The following MTM1 variants were observed in gnomAD, a reference collection of about 807,000 sequenced individuals.
The protein encoded by MTM1 is myotubularin.
In MTM1, 9 loss-of-function variants were observed where a neutral mutation model predicts 52.1. The ratio of observed to expected loss-of-function variants is 0.17; its 90% CI spans 0.10 to 0.30. MTM1 has a LOEUF of 0.30. Among genes scored for constraint, MTM1 ranks in the 10% least tolerant of loss-of-function variants. The pLI, the probability that MTM1 is intolerant of heterozygous loss-of-function variation, is 1.00. For missense variants in MTM1, 277 were observed against 470.7 expected, an observed-to-expected ratio of 0.59 and a Z score of 3.81; for synonymous variants, 136 against 163.8, an observed-to-expected ratio of 0.83 and a Z score of 1.29.
At chrX:150,646,290 C>T (rs2039930880) in intron 9 of MTM1, among the ~76,000 whole-genome samples, 1 of 112,735 alleles carries the variant, frequency 8.9e-6, no homozygotes. Context: ...TATATACTCA[C>T]ATATGTGTAT....
intron 11 of MTM1, among the ~76,000 whole-genome samples, chrX:150,658,949 G>A (rs1162500716): frequency 8.9e-6 from 1 of 112,306 alleles, no homozygotes; most frequent in Non-Finnish European, 1.9e-5. Flanking sequence ...CACCTCTTGG[G>A]TTCAAGCGAT....
intron 7 of MTM1, 33 bp downstream of exon 7, chrX:150,639,059 A>G (rs1343548244): frequency 9.6e-7 from 1 of 1,040,461 alleles, no homozygotes; most frequent in Non-Finnish European, 1.4e-6. Context: ...CTGGTATGTG[A>G]TGAACCTGAA....
intron 9 of MTM1, among the ~76,000 whole-genome samples, chrX:150,648,752 G>A (rs1209333941): frequency 2.7e-5 from 3 of 112,908 alleles, no homozygotes; most frequent in Non-Finnish European, 1.9e-5. Flanking sequence ...TGTAGTTGCT[G>A]CAGTAGGCGG....
At chrX:150,620,587 C>G (rs2039461432) in intron 6 of MTM1, among the ~76,000 whole-genome samples, 1 of 111,809 alleles carries the variant, frequency 8.9e-6, no homozygotes, top group Non-Finnish European at 1.9e-5. Flanking sequence ...TTTCTGTATT[C>G]CTGCACCATC....
Position 150,573,898 on chromosome X carries a change from A to G in MTM1, c.-11+5236A>G, listed in dbSNP as rs371649905. 6.2e-5 allele frequency among the ~76,000 whole-genome samples: 7 copies of G among 112,175 alleles called. No individual in the cohort carries two copies. In the South Asian group the frequency reaches 2.6e-3, roughly 41 times the overall value. On this transcript the variant is annotated intron_variant, in intron 1 of 14. Coordinates refer to ENST00000370396, the MANE Select transcript of MTM1 (RefSeq NM_000252.3). ...ACCTGCGTGTCAGTACTGTTTGTGG[A>G]TAACAGTAAGAAGGAAAGTTTGCAC...
chrX:150,655,552 T>C (rs2040099033), intron 10 of MTM1, among the ~76,000 whole-genome samples: 1 of 112,015 alleles, frequency 8.9e-6, no homozygotes. Flanking sequence ...TGGAAGGTTA[T>C]GTGACCATGA....
intron 11 of MTM1, among the ~76,000 whole-genome samples, chrX:150,659,172 A>G (rs1041567705): frequency 4.4e-5 from 5 of 112,723 alleles, no homozygotes; most frequent in Non-Finnish European, 1.9e-5. Flanking sequence ...ATCATTGTTT[A>G]GTAAATGAAT....
intron 14 of MTM1, 71 bp downstream of exon 14, chrX:150,663,680 A>AT (rs1457497889): frequency 1.8e-5 from 18 of 996,626 alleles, no homozygotes; most frequent in East Asian, 3.1e-5. Flanking sequence ...TTTGGTATGG[A>AT]TTTTTTTTAA....
At chrX:150,604,526 G>T (rs1384900822) in intron 4 of MTM1, among the ~76,000 whole-genome samples, 1 of 110,922 alleles carries the variant, frequency 9.0e-6, no homozygotes. Context: ...TCCCTCCCCC[G>T]AGTTCCTTCT....
At chrX:150,603,144 A>G (rs922122516) in intron 4 of MTM1, among the ~76,000 whole-genome samples, 3 of 112,105 alleles carry the variant, frequency 2.7e-5, no homozygotes, top group African/African-American at 9.7e-5. Context: ...GTAGAGAGTT[A>G]CCGTGTCTAT....
chrX:150,577,890 T>C (rs1196122822), intron 1 of MTM1, among the ~76,000 whole-genome samples: 3 of 112,469 alleles, frequency 2.7e-5, no homozygotes, highest in Non-Finnish European at 5.6e-5. Flanking sequence ...AGAACTTTTT[T>C]AGTCCTGCTC....
chrX:150,566,211 C>T (rs2038260929), upstream of MTM1, among the ~76,000 whole-genome samples: 1 of 111,742 alleles, frequency 8.9e-6, no homozygotes, highest in Non-Finnish European at 1.9e-5. Flanking sequence ...TCTCAGCTCA[C>T]TGCAACCTTC....
intron 4 of MTM1, among the ~76,000 whole-genome samples, chrX:150,601,448 A>G (rs1557412742): frequency 1.8e-5 from 2 of 112,456 alleles, no homozygotes; most frequent in East Asian, 2.8e-4. Flanking sequence ...ATTTTGTTGC[A>G]TGTTTGACAA....
intron 6 of MTM1, among the ~76,000 whole-genome samples, chrX:150,625,231 C>T (rs1240599131): frequency 8.9e-6 from 1 of 111,819 alleles, no homozygotes; most frequent in Non-Finnish European, 1.9e-5. Context: ...ATAACAGTCT[C>T]TACCCCGTTG....
intron 11 of MTM1, among the ~76,000 whole-genome samples, chrX:150,659,301 G>A (rs1455999777): frequency 8.9e-6 from 1 of 111,874 alleles, no homozygotes; most frequent in African/African-American, 3.3e-5. Flanking sequence ...TTTTCTTCGC[G>A]ACTGAAAGAA....
intron 1 of MTM1, among the ~76,000 whole-genome samples, chrX:150,583,387 T>TA (rs375214418): frequency 0.067 from 813 of 12,213 alleles, 218 homozygotes; most frequent in African/African-American, 0.43. Flanking sequence ...ATATATAATA[T>TA]AATATATATA....
intron 4 of MTM1, 31 bp from the exon 5 acceptor site, chrX:150,614,558 A>C (rs1265317241): frequency 1.2e-6 from 1 of 822,527 alleles, no homozygotes. Flanking sequence ...ACTGACAGAA[A>C]TACTGACTAC....
intron 1 of MTM1, among the ~76,000 whole-genome samples, chrX:150,586,680 G>T: frequency 9.0e-6 from 1 of 111,067 alleles, no homozygotes; most frequent in Non-Finnish European, 1.9e-5. Flanking sequence ...GGAGGAGGCC[G>T]ATGTGGGCGG....
chrX:150,671,615 A>G lies in MTM1; in HGVS notation c.*20A>G. The G allele has an allele frequency of 1.7e-6, 2 of 1,207,628 alleles. No homozygotes were observed. The highest frequency in any genetic ancestry group is 2.2e-6 in the Non-Finnish European group (2 of 892,269). ...TTCTGAGGGGGGACCCTGGCACCGC[A>G]TTAGAGCTCGAAATAAAGGCGATAG... On this transcript the variant is annotated 3_prime_UTR_variant, in exon 15 of 15. Transcript: ENST00000370396.
Sources: allele counts gnomAD v4.1 joint callset (sites outside exome capture counted in the v4.1 genomes callset), GRCh38; gene constraint gnomAD v4.1.1; transcripts MANE v1.5; gene names NCBI Gene and HGNC (gene_info 2026-07-23, HGNC 2026-07-21).